The following SLC4A10 variants were observed in gnomAD, a reference collection of about 807,000 sequenced individuals.
SLC4A10 encodes solute carrier family 4 member 10, also known as sodium-driven chloride bicarbonate exchanger.
SLC4A10 carries 42 observed loss-of-function variants against 137.7 expected under a neutral mutation model. The observed-to-expected ratio is 0.30, with a 90% CI of 0.24 to 0.39. The LOEUF is 0.39. Among genes scored for constraint, SLC4A10 ranks in the 10% least tolerant of loss-of-function variants. The pLI, the probability that SLC4A10 is intolerant of heterozygous loss-of-function variation, is 1.00. For synonymous variants in SLC4A10, 474 were observed against 464.1 expected (o/e 1.02, Z -0.27); for missense variants, 925 against 1,355.0 (o/e 0.68, Z 4.98).
chr2:161,892,242 G>A (rs748088504), intron 10 of SLC4A10, among the ~76,000 whole-genome samples: 6 of 151,952 alleles, frequency 3.9e-5, no homozygotes, highest in Non-Finnish European at 4.4e-5. Context: ...AATTAAATGT[G>A]ATCAAATTAA....
At chr2:161,655,195 C>T (rs1444116096) in intron 1 of SLC4A10, among the ~76,000 whole-genome samples, 1 of 151,848 alleles carries the variant, frequency 6.6e-6, no homozygotes, top group African/African-American at 2.4e-5. Context: ...AGTATAAATA[C>T]AAATAATTTT....
At chr2:161,789,613 A>T (rs912719241) in intron 2 of SLC4A10, among the ~76,000 whole-genome samples, 1 of 152,204 alleles carries the variant, frequency 6.6e-6, no homozygotes, top group Non-Finnish European at 1.5e-5. Context: ...AGAATTTTTC[A>T]GCCCTATTAT....
chr2:161,787,326 C>G (rs573772980), intron 2 of SLC4A10, among the ~76,000 whole-genome samples: 3 of 152,102 alleles, frequency 2.0e-5, no homozygotes, highest in Non-Finnish European at 4.4e-5. Context: ...GGTGACTTGA[C>G]TGTTCTCTCT....
intron 1 of SLC4A10, among the ~76,000 whole-genome samples, chr2:161,732,918 A>T (rs1001983962): frequency 2.6e-5 from 4 of 152,140 alleles, no homozygotes; most frequent in African/African-American, 9.7e-5. Context: ...TGCCCTAGTG[A>T]TTTCTGAAAC....
chr2:161,851,177 T>C (rs1244783660), intron 4 of SLC4A10, among the ~76,000 whole-genome samples: 1 of 152,200 alleles, frequency 6.6e-6, no homozygotes, highest in East Asian at 1.9e-4. Context: ...GAAAAGAATG[T>C]ATATTCTGTT....
At chr2:161,704,499 A>T (rs2043448940) in intron 1 of SLC4A10, among the ~76,000 whole-genome samples, 1 of 151,794 alleles carries the variant, frequency 6.6e-6, no homozygotes, top group South Asian at 2.1e-4. Context: ...GTATTTGTTG[A>T]ACTATTGAAA....
chr2:161,894,280 T>G (rs902505028), intron 10 of SLC4A10, among the ~76,000 whole-genome samples: 2 of 152,142 alleles, frequency 1.3e-5, no homozygotes, highest in African/African-American at 4.8e-5. Flanking sequence ...AATTTATTTA[T>G]GCCAGGGTAT....
chr2:161,950,915 CTTCTATA>C (rs776747609), intron 19 of SLC4A10, 67 bp downstream of exon 19: 4 of 1,251,966 alleles, frequency 3.2e-6, no homozygotes, highest in Non-Finnish European at 4.4e-6. Flanking sequence ...GTTCATTTGA[CTTCTATA>C]TTCTGTATTC....
At position 161,683,437 on chromosome 2, in the gene SLC4A10, G is replaced by A. The variant is rs111724483; in HGVS notation, c.48+58871G>A. 6.6e-3 allele frequency among the ~76,000 whole-genome samples: 1,009 copies of A among 152,280 alleles called. 10 individuals carry two copies. Among genetic ancestry groups the A allele is most frequent in the African/African-American group, 0.023 (961 of 41,562 alleles). On this transcript the variant is annotated intron_variant, in intron 1 of 26. Transcript: ENST00000446997. Reference sequence around the variant, plus strand: ...GGGAACAGTGAGAGAGCCAGCCAAAGGGACAGCTTCAAATGAAAGAGTAGT... The same window carrying A: ...GGGAACAGTGAGAGAGCCAGCCAAAAGGACAGCTTCAAATGAAAGAGTAGT...
chr2:161,984,195 A>G lies in SLC4A10; in HGVS notation c.*1043A>G, dbSNP rs916732621. On this transcript the variant is annotated 3_prime_UTR_variant, in exon 27 of 27. Coordinates refer to ENST00000446997, the MANE Select transcript of SLC4A10 (RefSeq NM_001178015.2). ...TCCAATTGTCATTTTTTTTCTGCAG[A>G]GTTTTTTTTTTCCACTTTTAAATTA... The G allele has an allele frequency of 9.9e-5, 15 of 151,898 alleles. No homozygotes were observed. The highest frequency in any genetic ancestry group is 2.9e-4 in the African/African-American group (12 of 41,384). 9.4% of individuals were successfully genotyped at this position (151,898 alleles called of 1,614,324 possible).
At chr2:161,653,262 TG>T (rs1175319798) in intron 1 of SLC4A10, among the ~76,000 whole-genome samples, 6 of 152,212 alleles carry the variant, frequency 3.9e-5, no homozygotes, top group African/African-American at 9.7e-5. Flanking sequence ...GATGGGCATT[TG>T]GGTTGGTTCC....
At chr2:161,659,334 A>C (rs994439405) in intron 1 of SLC4A10, among the ~76,000 whole-genome samples, 4 of 152,232 alleles carry the variant, frequency 2.6e-5, no homozygotes, top group Non-Finnish European at 5.9e-5. Flanking sequence ...GAACTAAATA[A>C]TGTGTACACA....
intron 1 of SLC4A10, among the ~76,000 whole-genome samples, chr2:161,768,937 C>T (rs749978315): frequency 6.6e-6 from 1 of 151,920 alleles, no homozygotes; most frequent in Non-Finnish European, 1.5e-5. Context: ...GGGTTCCTAT[C>T]ACAAATTCGT....
chr2:161,680,491 C>T (rs917176210), intron 1 of SLC4A10, among the ~76,000 whole-genome samples: 5 of 151,732 alleles, frequency 3.3e-5, no homozygotes, highest in Non-Finnish European at 7.4e-5. Context: ...ACTGGAATGG[C>T]TAGTTTATGT....
chr2:161,819,213 C>A (rs1428949441), intron 3 of SLC4A10, among the ~76,000 whole-genome samples: 1 of 152,020 alleles, frequency 6.6e-6, no homozygotes, highest in Non-Finnish European at 1.5e-5. Flanking sequence ...ATGCTTACAT[C>A]ATAGGAAAAC....
intron 1 of SLC4A10, among the ~76,000 whole-genome samples, chr2:161,750,448 T>A (rs1316480142): frequency 6.6e-6 from 1 of 151,804 alleles, no homozygotes; most frequent in Non-Finnish European, 1.5e-5. Flanking sequence ...TTCTTTTGCC[T>A]TGAGATATTT....
intron 1 of SLC4A10, among the ~76,000 whole-genome samples, chr2:161,758,804 T>C (rs906519067): frequency 2.6e-5 from 4 of 151,964 alleles, no homozygotes; most frequent in East Asian, 1.9e-4. Flanking sequence ...TACCAGTCCA[T>C]AGTATGTAAA....
At chr2:161,750,106 A>C (rs993512955) in intron 1 of SLC4A10, among the ~76,000 whole-genome samples, 1 of 151,420 alleles carries the variant, frequency 6.6e-6, no homozygotes, top group African/African-American at 2.4e-5. Context: ...CTTCTCTTTC[A>C]TTTCTGACTG....
At chr2:161,663,589 A>G (rs1176880077) in intron 1 of SLC4A10, among the ~76,000 whole-genome samples, 1 of 152,160 alleles carries the variant, frequency 6.6e-6, no homozygotes, top group Non-Finnish European at 1.5e-5. Flanking sequence ...AAGAAGATTT[A>G]AAGTGAGGGA....
Sources: allele counts gnomAD v4.1 joint callset (sites outside exome capture counted in the v4.1 genomes callset), GRCh38; gene constraint gnomAD v4.1.1; transcripts MANE v1.5; gene names NCBI Gene and HGNC (gene_info 2026-07-23, HGNC 2026-07-21).